CLNK: variants seen among roughly 807,000 people sequenced by gnomAD.
CLNK encodes the protein cytokine dependent hematopoietic cell linker.
Under a neutral mutation model 68.6 loss-of-function variants are expected in CLNK, and 74 were observed. That is an observed-to-expected ratio of 1.08 (90% CI 0.89 to 1.31). CLNK has a LOEUF of 1.31. CLNK is among the 50% of genes most tolerant of loss of function. The pLI is 0.00. For missense variants in CLNK, 553 were observed against 515.3 expected (o/e 1.07, Z -0.71); for synonymous variants, 198 against 172.2 (o/e 1.15, Z -1.17).
chr4:10,683,262 G>A (rs963619506), intron 1 of CLNK, among the ~76,000 whole-genome samples: 7 of 152,194 alleles, frequency 4.6e-5, no homozygotes, highest in African/African-American at 1.7e-4. Flanking sequence ...ATGGCAAAGT[G>A]ATCGAGAAAC....
intron 5 of CLNK, among the ~76,000 whole-genome samples, chr4:10,567,540 G>A (rs1453580319): frequency 6.6e-6 from 1 of 151,760 alleles, no homozygotes; most frequent in Non-Finnish European, 1.5e-5. Flanking sequence ...TACTTAGATA[G>A]AACAAAAAAA....
At chr4:10,613,141 G>A (rs1722096625) in intron 2 of CLNK, among the ~76,000 whole-genome samples, 1 of 152,138 alleles carries the variant, frequency 6.6e-6, no homozygotes, top group Admixed American at 6.5e-5. Flanking sequence ...GAACAGAGAA[G>A]GACAACAATA....
chr4:10,667,844 T>A lies in CLNK; in HGVS notation c.11+15A>T. 6.3e-7 allele frequency: 1 copy of A among 1,582,084 alleles called. No homozygotes were observed. Among genetic ancestry groups the A allele is most frequent in the Non-Finnish European group, 8.6e-7 (1 of 1,161,660 alleles). ...AAAAGGGAACTGGGGCTCACAGTGA[T>A]CCCACGGTACTTACTGCCTGTTCAT... On this transcript the variant is annotated intron_variant, in intron 2 of 18. Transcript: ENST00000226951.
chr4:10,718,466 A>C, the CLNK span, among the ~76,000 whole-genome samples: 1 of 147,990 alleles, frequency 6.8e-6, no homozygotes, highest in Non-Finnish European at 1.5e-5. Flanking sequence ...AACCATAGAG[A>C]CCAGAAAAAA....
chr4:10,704,462 T>TA, the CLNK span, among the ~76,000 whole-genome samples: 623 of 70,740 alleles, frequency 8.8e-3, 3 homozygotes, highest in African/African-American at 0.033. Context: ...TTGAAAAATA[T>TA]TTTTTTTTTC....
chr4:10,675,682 A>G (rs916310002), intron 1 of CLNK, among the ~76,000 whole-genome samples: 1 of 152,236 alleles, frequency 6.6e-6, no homozygotes, highest in African/African-American at 2.4e-5. Context: ...TTATGAAAAT[A>G]CTGGCCTCTA....
chr4:10,552,464 G>A (rs563652197), intron 8 of CLNK, among the ~76,000 whole-genome samples: 3 of 151,916 alleles, frequency 2.0e-5, no homozygotes, highest in Non-Finnish European at 4.4e-5. Flanking sequence ...ATTGTAGATC[G>A]GCCTTTGGAG....
chr4:10,564,649 A>G (rs1180193940), intron 7 of CLNK, 22 bp downstream of exon 7: 1 of 1,523,748 alleles, frequency 6.6e-7, no homozygotes, highest in Admixed American at 1.7e-5. Flanking sequence ...TGTTTGTGTC[A>G]CAATGTCCAG....
intron 2 of CLNK, among the ~76,000 whole-genome samples, chr4:10,645,055 A>G (rs1723457484): frequency 6.6e-6 from 1 of 152,184 alleles, no homozygotes; most frequent in Non-Finnish European, 1.5e-5. Context: ...CTTGAAATAC[A>G]TTTATGGGTT....
intron 3 of CLNK, among the ~76,000 whole-genome samples, chr4:10,597,020 C>T (rs1263674838): frequency 1.3e-5 from 2 of 152,184 alleles, no homozygotes; most frequent in Non-Finnish European, 2.9e-5. Flanking sequence ...ACAAATTTCC[C>T]TCTACTCAAA....
chr4:10,674,456 A>G (rs1490631384), intron 1 of CLNK, among the ~76,000 whole-genome samples: 2 of 152,276 alleles, frequency 1.3e-5, no homozygotes, highest in Non-Finnish European at 2.9e-5. Context: ...GAATATGCTC[A>G]TAATGAATTT....
intron 4 of CLNK, among the ~76,000 whole-genome samples, chr4:10,572,044 A>C (rs1720374748): frequency 6.6e-6 from 1 of 152,244 alleles, no homozygotes; most frequent in South Asian, 2.1e-4. Flanking sequence ...TCTCTACTGT[A>C]GCAGGTCAAA....
Position 10,490,173 on chromosome 4 carries a change from T to C in CLNK, c.*294A>G, listed in dbSNP as rs549997209. On this transcript the variant is annotated 3_prime_UTR_variant, in exon 19 of 19. Transcript: ENST00000226951. ...ATGAGCATAATGGCTATGTTTATAG[T>C]ATTTTTTGTTGTTGTTTTTTAGAAG... The C allele has an allele frequency of 3.0e-5, 9 of 296,962 alleles. No individual in the cohort carries two copies. The highest frequency in any genetic ancestry group is 1.7e-4 in the South Asian group (3 of 17,434). The allele number at this position is 296,962 out of a possible 1,614,324, so 18.4% of individuals were successfully genotyped here.
At chr4:10,689,036 G>A (rs1400111620), upstream of CLNK, among the ~76,000 whole-genome samples, 1 of 151,584 alleles carries the variant, frequency 6.6e-6, no homozygotes. Context: ...TAAAATTGAG[G>A]CAACGTGCTG....
At chr4:10,508,294 C>G (rs764359234) in intron 16 of CLNK, among the ~76,000 whole-genome samples, 6 of 152,148 alleles carry the variant, frequency 3.9e-5, no homozygotes, top group Non-Finnish European at 8.8e-5. Flanking sequence ...TCAGCACCAC[C>G]TTCAGAATGG....
In CLNK at chr4:10,500,672, CAAA is replaced by C. The variant is rs11370372; in HGVS notation, c.1140+581_1140+583del. ...TGGGTGACAGAGTGCGTCTCTGTCT[CAAA>C]AAAAAAAAAAATGCAGATAGACTAG... On this transcript the variant is annotated intron_variant, in intron 18 of 18. Transcript: ENST00000226951. Among the ~76,000 whole-genome samples, 201 of 141,258 alleles carry C rather than the reference CAAA, an allele frequency of 1.4e-3. 2 individuals are homozygous for C. Among genetic ancestry groups the C allele is most frequent in the African/African-American group, 4.9e-3 (189 of 38,950 alleles). The allele number at this position is 141,258 out of a possible 152,430, so 92.7% of individuals were successfully genotyped here.
intron 8 of CLNK, among the ~76,000 whole-genome samples, chr4:10,558,167 T>C (rs1719747815): frequency 6.6e-6 from 1 of 152,198 alleles, no homozygotes; most frequent in Non-Finnish European, 1.5e-5. Flanking sequence ...ATTTCCAAAA[T>C]TGCACAACAA....
intron 7 of CLNK, among the ~76,000 whole-genome samples, chr4:10,561,436 A>C (rs1286265606): frequency 2.0e-5 from 3 of 152,226 alleles, no homozygotes; most frequent in African/African-American, 4.8e-5. Flanking sequence ...GTAAAGGCTT[A>C]AATCCTGGCA....
At chr4:10,699,517 T>TATTTA in the CLNK span, among the ~76,000 whole-genome samples, 13 of 129,908 alleles carry the variant, frequency 1.0e-4, no homozygotes, top group African/African-American at 3.7e-4. Flanking sequence ...TATATATTTT[T>TATTTA]TTTTTTTTTT....
Sources: gnomAD v4.1 joint callset for allele counts (sites outside exome capture counted in the v4.1 genomes callset) on GRCh38, gnomAD v4.1.1 for gene constraint, MANE v1.5 for transcripts, NCBI Gene and HGNC (gene_info 2026-07-23, HGNC 2026-07-21) for gene names.